The following FBXL7 variants were observed in gnomAD, a reference collection of about 807,000 sequenced individuals.
FBXL7 encodes the protein F-box and leucine rich repeat protein 7.
A neutral mutation model predicts 38.3 loss-of-function variants in FBXL7; 12 were observed. The ratio of observed to expected loss-of-function variants is 0.31; its 90% CI spans 0.20 to 0.51. FBXL7 has a LOEUF of 0.51. Ranked by LOEUF, FBXL7 falls within the 20% of genes least tolerant of loss-of-function variation. The probability of loss-of-function intolerance (pLI) is 0.98; values close to 1 mark genes in which losing one functional copy is unlikely to be tolerated. For synonymous variants in FBXL7, 297 were observed against 300.9 expected (o/e 0.99, Z 0.13); for missense variants, 567 against 676.4 (o/e 0.84, Z 1.79).
intron 2 of FBXL7, among the ~76,000 whole-genome samples, chr5:15,687,994 A>G (rs983444300): frequency 6.6e-6 from 1 of 152,202 alleles, no homozygotes; most frequent in Non-Finnish European, 1.5e-5. Context: ...GTATACCTGC[A>G]TTTGCAGCTT....
chr5:15,894,175 C>G (rs190086093), intron 2 of FBXL7, among the ~76,000 whole-genome samples: 3 of 152,220 alleles, frequency 2.0e-5, no homozygotes, highest in South Asian at 2.1e-4. Context: ...ACTTGCTCCT[C>G]GCTTGAACTC....
chr5:15,586,541 A>G (rs1010954920), intron 1 of FBXL7, among the ~76,000 whole-genome samples: 3 of 152,064 alleles, frequency 2.0e-5, no homozygotes, highest in Non-Finnish European at 4.4e-5. Flanking sequence ...CCAAGAAGCT[A>G]TGATGGAGAA....
At chr5:15,797,617 A>T (rs1737451401) in intron 2 of FBXL7, among the ~76,000 whole-genome samples, 3 of 152,230 alleles carry the variant, frequency 2.0e-5, no homozygotes, top group African/African-American at 7.2e-5. Context: ...TCAGCTTGGC[A>T]CCACACAATG....
At chr5:15,673,889 T>C (rs985176077) in intron 2 of FBXL7, among the ~76,000 whole-genome samples, 2 of 152,168 alleles carry the variant, frequency 1.3e-5, no homozygotes, top group African/African-American at 2.4e-5. Context: ...AAAAACAATG[T>C]GACTCAAAGA....
At chr5:15,811,644 GA>G (rs551165287) in intron 2 of FBXL7, among the ~76,000 whole-genome samples, 5 of 151,394 alleles carry the variant, frequency 3.3e-5, no homozygotes, top group African/African-American at 4.8e-5. Context: ...AAATTTACGA[GA>G]AAAAAAATGA....
chr5:15,791,945 A>G (rs376239531), intron 2 of FBXL7, among the ~76,000 whole-genome samples: 10 of 152,254 alleles, frequency 6.6e-5, no homozygotes, highest in Middle Eastern at 6.8e-3. Context: ...ACAATCGCAG[A>G]AGCTGATTCC....
chr5:15,682,851 C>T (rs1742891434), intron 2 of FBXL7, among the ~76,000 whole-genome samples: 1 of 152,202 alleles, frequency 6.6e-6, no homozygotes, highest in Non-Finnish European at 1.5e-5. Context: ...CAGCTTGTAT[C>T]AGATGCTGGA....
intron 2 of FBXL7, among the ~76,000 whole-genome samples, chr5:15,915,731 T>A (rs1229144925): frequency 6.6e-6 from 1 of 152,080 alleles, no homozygotes; most frequent in Non-Finnish European, 1.5e-5. Flanking sequence ...TGGTCCATAT[T>A]TTAGAAAGTA....
At chr5:15,524,329 G>A (rs767478903) in intron 1 of FBXL7, among the ~76,000 whole-genome samples, 6 of 152,246 alleles carry the variant, frequency 3.9e-5, no homozygotes, top group East Asian at 1.9e-4. Context: ...TTTATCGTCC[G>A]TTTGTGTGAG....
intron 2 of FBXL7, among the ~76,000 whole-genome samples, chr5:15,634,901 G>A (rs1741132687): frequency 6.6e-6 from 1 of 151,886 alleles, no homozygotes; most frequent in Non-Finnish European, 1.5e-5. Context: ...AAAAAGCCTT[G>A]TGATTACTTT....
intron 1 of FBXL7, chr5:15,580,847 C>T (rs781127461): frequency 7.1e-6 from 7 of 979,660 alleles, no homozygotes; most frequent in East Asian, 1.1e-4. Context: ...ACTATCCCAG[C>T]GACACTGGTT....
At chr5:15,877,893 C>T (rs753239644) in intron 2 of FBXL7, among the ~76,000 whole-genome samples, 3 of 152,134 alleles carry the variant, frequency 2.0e-5, no homozygotes, top group Admixed American at 6.5e-5. Flanking sequence ...CACACTTGTT[C>T]GTGTTCATCT....
At chr5:15,691,946 T>C (rs1209612359) in intron 2 of FBXL7, among the ~76,000 whole-genome samples, 1 of 152,146 alleles carries the variant, frequency 6.6e-6, no homozygotes, top group African/African-American at 2.4e-5. Flanking sequence ...GGTTTAGGGT[T>C]CTGATAAACA....
intron 2 of FBXL7, among the ~76,000 whole-genome samples, chr5:15,683,477 A>C (rs753365364): frequency 6.6e-6 from 1 of 152,170 alleles, no homozygotes; most frequent in Non-Finnish European, 1.5e-5. Flanking sequence ...GATACACTGC[A>C]TCTGGCCCTA....
intron 1 of FBXL7, among the ~76,000 whole-genome samples, chr5:15,500,915 G>A (rs1736471028): frequency 6.6e-6 from 1 of 152,200 alleles, no homozygotes; most frequent in Admixed American, 6.5e-5. Flanking sequence ...CACTGTGGGG[G>A]TCTCTTTAAG....
chr5:15,762,536 T>C (rs1185230779), intron 2 of FBXL7, among the ~76,000 whole-genome samples: 1 of 152,216 alleles, frequency 6.6e-6, no homozygotes, highest in Non-Finnish European at 1.5e-5. Flanking sequence ...CCAGCTGGGC[T>C]ACTTAATATT....
chr5:15,564,996 T>C (rs1738525263), intron 1 of FBXL7, among the ~76,000 whole-genome samples: 1 of 152,112 alleles, frequency 6.6e-6, no homozygotes, highest in South Asian at 2.1e-4. Flanking sequence ...AGATAAGGTT[T>C]TAGAATAGTA....
chr5:15,842,595 C>CA (rs1738779451), intron 2 of FBXL7, among the ~76,000 whole-genome samples: 1 of 152,080 alleles, frequency 6.6e-6, no homozygotes, highest in African/African-American at 2.4e-5. Context: ...GATGTGTCCC[C>CA]ACCCAAATCT....
chr5:15,600,029 T>C (rs62347912), intron 1 of FBXL7, among the ~76,000 whole-genome samples: 38,236 of 152,096 alleles, frequency 0.25, 4,903 homozygotes, highest in Middle Eastern at 0.33. Context: ...GTCATGAATA[T>C]TGATGAAAGG....
Sources: allele counts gnomAD v4.1 joint callset (sites outside exome capture counted in the v4.1 genomes callset), GRCh38; gene constraint gnomAD v4.1.1; transcripts MANE v1.5; gene names NCBI Gene and HGNC (gene_info 2026-07-23, HGNC 2026-07-21).